PIAS4: variants seen among roughly 807,000 people sequenced by gnomAD.
PIAS4 encodes the protein protein inhibitor of activated STAT 4, also known as E3 SUMO-protein ligase PIAS4.
A neutral mutation model predicts 58.0 loss-of-function variants in PIAS4; 7 were observed. The ratio of observed to expected loss-of-function variants is 0.12; its 90% CI spans 0.07 to 0.23. The LOEUF (loss-of-function observed/expected upper bound fraction) is 0.23, where lower values mean the gene tolerates loss of function less well. PIAS4 is among the 10% of genes least tolerant of loss of function. The probability of loss-of-function intolerance (pLI) is 1.00; values close to 1 mark genes in which losing one functional copy is unlikely to be tolerated. For missense variants in PIAS4, 550 were observed against 709.5 expected, an observed-to-expected ratio of 0.78 and a Z score of 2.55; for synonymous variants, 364 against 312.4, an observed-to-expected ratio of 1.17 and a Z score of -1.74.
chr19:4,010,142 G>A (rs760133265), intron 1 of PIAS4, among the ~76,000 whole-genome samples: 1 of 152,196 alleles, frequency 6.6e-6, no homozygotes. Flanking sequence ...TTGAAGCCAG[G>A]GCAGGAAGTG....
intron 1 of PIAS4, among the ~76,000 whole-genome samples, chr19:4,010,248 A>T (rs2039979709): frequency 6.6e-6 from 1 of 152,124 alleles, no homozygotes; most frequent in African/African-American, 2.4e-5. Flanking sequence ...AGCTGCTGGG[A>T]AATCTGAGTC....
intron 2 of PIAS4, among the ~76,000 whole-genome samples, chr19:4,023,646 G>A (rs758629449): frequency 5.4e-4 from 83 of 152,338 alleles, no homozygotes; most frequent in Non-Finnish European, 1.1e-3. Flanking sequence ...CAGGAGGAGA[G>A]CAAGGGCCGG....
In PIAS4 at chr19:4,037,374, G is replaced by T. The variant is rs1169018490; in HGVS notation, c.1143G>T (p.Gly381=). 1.2e-5 allele frequency: 19 copies of T among 1,602,298 alleles called. No homozygotes were observed. The highest frequency in any genetic ancestry group is 1.6e-5 in the Non-Finnish European group (19 of 1,172,330). The part of the protein sequence containing the change: ...PAPYDQLIID[G]LLSKILSECE... ...GCGTCAGCTGTCCGCCTCGCCCCAG[G>T]CTCCTCTCGAAGATCCTGAGCGAGT... Residue 381 remains glycine (G), a splice_region_variant and synonymous_variant, in exon 10 of 11, where the codon GGG becomes GGT. Transcript: ENST00000262971. This position sits in a 1 kb window ranked among gnomAD's most constrained non-coding sequence, Gnocchi z 5.8.
At chr19:4,015,797 C>A (rs936453371) in intron 2 of PIAS4, among the ~76,000 whole-genome samples, 9 of 152,342 alleles carry the variant, frequency 5.9e-5, no homozygotes, top group Non-Finnish European at 1.3e-4. Context: ...AGGCCCACCG[C>A]TCTGGTCTGT....
intron 2 of PIAS4, among the ~76,000 whole-genome samples, chr19:4,021,336 A>G (rs2040106823): frequency 6.6e-6 from 1 of 151,798 alleles, no homozygotes; most frequent in Non-Finnish European, 1.5e-5. Flanking sequence ...TTTAGTAGAG[A>G]TGGGGTTACC....
chr19:4,034,415 C>G (rs2040255202), intron 9 of PIAS4, among the ~76,000 whole-genome samples: 1 of 152,222 alleles, frequency 6.6e-6, no homozygotes, highest in South Asian at 2.1e-4. Context: ...GGAGACAGAC[C>G]TGTGAGCGTC....
chr19:4,017,684 T>TTTC (rs2040066210), intron 2 of PIAS4: 1 of 146,978 alleles, frequency 6.8e-6, no homozygotes, highest in African/African-American at 2.5e-5. Flanking sequence ...GATCAGCTTT[T>TTTC]TTTTTTTTTT....
chr19:4,035,815 A>C (rs1282976129), intron 9 of PIAS4, among the ~76,000 whole-genome samples: 4 of 152,140 alleles, frequency 2.6e-5, no homozygotes, highest in Non-Finnish European at 5.9e-5. Context: ...GCACACATCC[A>C]TACAGTCCAC....
At chr19:4,026,125 A>ATTTCTT (rs1313318329) in intron 3 of PIAS4, among the ~76,000 whole-genome samples, 4 of 145,620 alleles carry the variant, frequency 2.7e-5, no homozygotes. Flanking sequence ...GCTTCTGGAC[A>ATTTCTT]TTTCTTTTTC....
chr19:4,009,183 T>G (rs2039970173), intron 1 of PIAS4, among the ~76,000 whole-genome samples: 2 of 152,066 alleles, frequency 1.3e-5, no homozygotes, highest in Non-Finnish European at 2.9e-5. Flanking sequence ...GGTCCTGACC[T>G]GTACGTATCT....
At chr19:4,019,225 C>T (rs1038116738) in intron 2 of PIAS4, among the ~76,000 whole-genome samples, 16 of 152,168 alleles carry the variant, frequency 1.1e-4, no homozygotes, top group Admixed American at 1.3e-4. Context: ...GACCCCACAG[C>T]CCCTTCCCCA....
intron 7 of PIAS4, among the ~76,000 whole-genome samples, chr19:4,030,314 A>G (rs1379627447): frequency 3.5e-5 from 5 of 143,996 alleles, no homozygotes; most frequent in Non-Finnish European, 3.2e-5. Flanking sequence ...TGACACGCAG[A>G]GCAATTTTAA....
In PIAS4 at chr19:4,007,797, C is replaced by T. The variant is rs1033454484; in HGVS notation, c.27+10C>T. 22 of 1,211,170 alleles carry T rather than the reference C, an allele frequency of 1.8e-5. No individual in the cohort carries two copies. The highest frequency in any genetic ancestry group is 1.9e-5 in the Non-Finnish European group (18 of 969,280). The allele number at this position is 1,211,170 out of a possible 1,614,324, so 75.0% of individuals were successfully genotyped here. A position where few individuals can be genotyped will look rare whatever the true frequency, so the allele number is the denominator to read the frequency against. ...GCTGGTGGAGGCCAAAGTGAGTGAG[C>T]GGTGGCGGCGCCGGCCGGGGCAAGT... On this transcript the variant is annotated intron_variant, in intron 1 of 10. Transcript: ENST00000262971.
At chr19:4,020,016 A>G (rs892789932) in intron 2 of PIAS4, among the ~76,000 whole-genome samples, 3 of 151,254 alleles carry the variant, frequency 2.0e-5, no homozygotes, top group African/African-American at 4.9e-5. Flanking sequence ...TCCCAGGTTC[A>G]CGCCATTCTC....
At chr19:4,019,521 G>T (rs2040087478) in intron 2 of PIAS4, among the ~76,000 whole-genome samples, 1 of 152,222 alleles carries the variant, frequency 6.6e-6, no homozygotes, top group Non-Finnish European at 1.5e-5. Flanking sequence ...AGACACTGAG[G>T]GGTGGGGTGT....
chr19:4,012,773 G>A (rs1229408745), intron 1 of PIAS4, 150 bp from the exon 2 acceptor site: 1 of 814,006 alleles, frequency 1.2e-6, no homozygotes, highest in Non-Finnish European at 2.0e-6. Flanking sequence ...GGGCACCGTA[G>A]GGGCAGGGCA....
chr19:4,029,910 C>T (rs2040206611), intron 7 of PIAS4, among the ~76,000 whole-genome samples: 1 of 148,082 alleles, frequency 6.8e-6, no homozygotes, highest in South Asian at 2.2e-4. Context: ...GAAACCTCTA[C>T]CTCCTGGGTT....
rs1308749921 is a variant in PIAS4 at position 4,038,828 on chromosome 19, C to T, written c.*953C>T. The stretch of plus-strand genomic sequence containing the variant: ...CCCCGGCTCTCGGTTTGGGTTGATT[C>T]CTCTCCTTTTTGCTCTTGGTTTTCC... On this transcript the variant is annotated 3_prime_UTR_variant, in exon 11 of 11. Coordinates refer to ENST00000262971, the MANE Select transcript of PIAS4 (RefSeq NM_015897.4). The surrounding 1 kb of genome is among the most constrained non-coding windows in gnomAD (Gnocchi z 4.1). The T allele has an allele frequency of 6.5e-6, 1 of 153,288 alleles. No homozygotes were observed. Among genetic ancestry groups the T allele is most frequent in the Non-Finnish European group, 1.5e-5 (1 of 68,490 alleles). 9.5% of individuals were successfully genotyped at this position (153,288 alleles called of 1,614,324 possible). A position where few individuals can be genotyped will look rare whatever the true frequency, so the allele number is the denominator to read the frequency against.
intron 1 of PIAS4, among the ~76,000 whole-genome samples, chr19:4,011,044 C>T (rs1423978684): frequency 2.0e-5 from 3 of 152,170 alleles, no homozygotes; most frequent in African/African-American, 7.2e-5. Context: ...CTGAAATGTG[C>T]GGCTAGGCTC....
Sources: gnomAD v4.1 joint callset for allele counts (sites outside exome capture counted in the v4.1 genomes callset) on GRCh38, gnomAD v4.1.1 for gene constraint, Gnocchi (gnomAD v3.1) non-coding constraint, MANE v1.5 for transcripts, NCBI Gene and HGNC (gene_info 2026-07-23, HGNC 2026-07-21) for gene names.